Variants in MYT1L observed in about 807,000 individuals in gnomAD.
The protein encoded by MYT1L is myelin transcription factor 1 like.
A neutral mutation model predicts 126.7 loss-of-function variants in MYT1L; 12 were observed. The ratio of observed to expected loss-of-function variants is 0.09; its 90% CI spans 0.06 to 0.15. The LOEUF is 0.15. Among genes scored for constraint, MYT1L ranks in the 10% least tolerant of loss-of-function variants. The pLI is 1.00. For missense variants in MYT1L, 979 were observed against 1,585.2 expected, an observed-to-expected ratio of 0.62 and a Z score of 6.49; for synonymous variants, 541 against 604.2, an observed-to-expected ratio of 0.90 and a Z score of 1.53.
chr2:1,994,028 C>T (rs1412866909), intron 5 of MYT1L, among the ~76,000 whole-genome samples: 1 of 152,252 alleles, frequency 6.6e-6, no homozygotes, highest in Non-Finnish European at 1.5e-5. Flanking sequence ...CCTTATCTGT[C>T]ACCAGTATTT....
intron 2 of MYT1L, among the ~76,000 whole-genome samples, chr2:2,242,403 A>G: frequency 6.6e-6 from 1 of 152,238 alleles, no homozygotes; most frequent in South Asian, 2.1e-4. Context: ...AATTTTCACC[A>G]CATATTACGA....
chr2:2,109,809 C>T (rs2150561862), intron 3 of MYT1L, among the ~76,000 whole-genome samples: 1 of 143,944 alleles, frequency 6.9e-6, no homozygotes, highest in South Asian at 2.2e-4. Context: ...CACATGCACA[C>T]AAAGAAAAAA....
intron 3 of MYT1L, among the ~76,000 whole-genome samples, chr2:2,092,685 G>A (rs530137157): frequency 6.6e-6 from 1 of 152,292 alleles, no homozygotes; most frequent in African/African-American, 2.4e-5. Context: ...TCATGGCCAT[G>A]GACCTGCAGC....
intron 2 of MYT1L, among the ~76,000 whole-genome samples, chr2:2,254,920 T>C (rs549905747): frequency 2.6e-4 from 40 of 152,328 alleles, no homozygotes; most frequent in African/African-American, 8.9e-4. Context: ...ATCTATATTT[T>C]TTCTCGACTT....
At chr2:2,164,004 T>A (rs2088536555) in intron 3 of MYT1L, among the ~76,000 whole-genome samples, 1 of 152,064 alleles carries the variant, frequency 6.6e-6, no homozygotes, top group African/African-American at 2.4e-5. Flanking sequence ...CTCAATATCA[T>A]CCCCTACAGC....
At chr2:2,307,189 TACCTC>T (rs2095870162) in intron 1 of MYT1L, among the ~76,000 whole-genome samples, 1 of 152,142 alleles carries the variant, frequency 6.6e-6, no homozygotes, top group Non-Finnish European at 1.5e-5. Context: ...GGCGGGGAAT[TACCTC>T]AAAGAGTGGG....
intron 2 of MYT1L, among the ~76,000 whole-genome samples, chr2:2,203,614 C>T (rs1211876021): frequency 1.3e-5 from 2 of 151,120 alleles, no homozygotes; most frequent in African/African-American, 4.9e-5. Context: ...TAAAAGAGGA[C>T]ACAAACAAAT....
In MYT1L at chr2:1,844,722, T is replaced by C. The variant is rs1047030353; in HGVS notation, c.2775-3879A>G. On this transcript the variant is annotated intron_variant, in intron 19 of 24. Coordinates refer to ENST00000647738, the MANE Select transcript of MYT1L (RefSeq NM_001303052.2). ...TGGGCACAGAGAAGGAGCTCTGTGA[T>C]TTTAGATCCTGACTTTCACCTTTAT... 4.6e-5 allele frequency among the ~76,000 whole-genome samples: 7 copies of C among 152,204 alleles called. 1 individual carries two copies. Among genetic ancestry groups the C allele is most frequent in the Admixed American group, 4.6e-4 (7 of 15,284 alleles).
rs1203093381 is a variant in MYT1L, at chr2:1,873,172, C to CAGGCCTTA, written c.2711+13366_2711+13367insTAAGGCCT. ...ACCCTCCCAGGTTTTCAAATGTTTC[C>CAGGCCTTA]AGGCCTTTAAGGAAACTTTATCAAT... On this transcript the variant is annotated intron_variant, in intron 18 of 24. Transcript: ENST00000647738. 5.3e-5 allele frequency among the ~76,000 whole-genome samples: 8 copies of CAGGCCTTA among 152,180 alleles called. No homozygotes were observed. In the South Asian group the frequency reaches 1.0e-3, roughly 20 times the overall value.
intron 3 of MYT1L, among the ~76,000 whole-genome samples, chr2:2,081,544 C>T (rs1490494069): frequency 6.6e-6 from 1 of 152,190 alleles, no homozygotes; most frequent in Non-Finnish European, 1.5e-5. Context: ...TAGCCATTTG[C>T]TAGAACATTT....
At chr2:2,168,306 T>C (rs1300213921) in intron 3 of MYT1L, among the ~76,000 whole-genome samples, 2 of 152,172 alleles carry the variant, frequency 1.3e-5, no homozygotes. Context: ...GTACTACGTG[T>C]GCATGCTAGG....
At chr2:2,075,996 A>C (rs1014141955) in intron 3 of MYT1L, among the ~76,000 whole-genome samples, 1 of 152,250 alleles carries the variant, frequency 6.6e-6, no homozygotes, top group South Asian at 2.1e-4. Context: ...TCAATATTTT[A>C]TCTGAAATTG....
chr2:2,101,333 C>T (rs1036975839), intron 3 of MYT1L, among the ~76,000 whole-genome samples: 1 of 152,088 alleles, frequency 6.6e-6, no homozygotes, highest in Non-Finnish European at 1.5e-5. Context: ...ATATGCCATT[C>T]ACATGACTGT....
intron 3 of MYT1L, among the ~76,000 whole-genome samples, chr2:2,167,104 G>C (rs1423254647): frequency 1.3e-5 from 2 of 152,138 alleles, no homozygotes; most frequent in East Asian, 3.9e-4. Flanking sequence ...AGGGTAACCA[G>C]GGTTTAAAGG....
intron 4 of MYT1L, among the ~76,000 whole-genome samples, chr2:2,014,604 G>A (rs1329903352): frequency 6.6e-6 from 1 of 152,218 alleles, no homozygotes; most frequent in East Asian, 1.9e-4. Flanking sequence ...CTGTGTCTGG[G>A]CATCCCGGAT....
intron 3 of MYT1L, among the ~76,000 whole-genome samples, chr2:2,100,234 G>A (rs1280601649): frequency 6.6e-6 from 1 of 152,100 alleles, no homozygotes; most frequent in Non-Finnish European, 1.5e-5. Flanking sequence ...GAAAAAGCAA[G>A]AATAAACTTC....
chr2:1,799,858 G>C (rs2034502911), intron 23 of MYT1L, among the ~76,000 whole-genome samples: 1 of 152,190 alleles, frequency 6.6e-6, no homozygotes, highest in East Asian at 1.9e-4. Flanking sequence ...CCTCATGATA[G>C]TGAGTGAGTC....
intron 5 of MYT1L, among the ~76,000 whole-genome samples, chr2:1,983,270 C>G (rs186060553): frequency 2.1e-4 from 32 of 152,292 alleles, no homozygotes; most frequent in African/African-American, 7.7e-4. Flanking sequence ...ATGAGCATTA[C>G]AGGAGATAAT....
At chr2:1,837,361 G>A (rs965852475) in intron 21 of MYT1L, among the ~76,000 whole-genome samples, 8 of 152,200 alleles carry the variant, frequency 5.3e-5, no homozygotes, top group African/African-American at 1.7e-4. Context: ...TCAGGTTAGC[G>A]AAACATACAA....
Sources: allele counts gnomAD v4.1 joint callset (sites outside exome capture counted in the v4.1 genomes callset), GRCh38; gene constraint gnomAD v4.1.1; transcripts MANE v1.5; gene names NCBI Gene and HGNC (gene_info 2026-07-23, HGNC 2026-07-21).